PER2: variants seen among roughly 807,000 people sequenced by gnomAD.
PER2 encodes period circadian regulator 2, also known as period circadian protein homolog 2.
Under a neutral mutation model 121.0 loss-of-function variants are expected in PER2, and 66 were observed. That is an observed-to-expected ratio of 0.55 (90% CI 0.45 to 0.67). The LOEUF is 0.67. Among genes scored for constraint, PER2 ranks in the 30% least tolerant of loss-of-function variants. PER2 has a pLI of 0.00. For missense variants in PER2, 1,521 were observed against 1,635.0 expected (o/e 0.93, Z 1.20); for synonymous variants, 684 against 659.9 (o/e 1.04, Z -0.56).
chr2:238,250,062 A>C (rs1340559210), intron 21 of PER2, among the ~76,000 whole-genome samples: 1 of 152,136 alleles, frequency 6.6e-6, no homozygotes, highest in Non-Finnish European at 1.5e-5. Context: ...AGGGGAAGGG[A>C]CCACATGCAG....
chr2:238,257,221 G>A, intron 16 of PER2, 135 bp from the exon 17 acceptor site: 1 of 700,456 alleles, frequency 1.4e-6, no homozygotes, highest in Non-Finnish European at 2.4e-6. Flanking sequence ...TCCCACAGAT[G>A]CTCTGGCCCA....
chr2:238,254,544 T>C (rs1220761116), intron 18 of PER2, among the ~76,000 whole-genome samples: 1 of 152,224 alleles, frequency 6.6e-6, no homozygotes, highest in Non-Finnish European at 1.5e-5. Flanking sequence ...TCTGGTGTTC[T>C]TCTCACAAGA....
chr2:238,289,664 C>T (rs1339943229), upstream of PER2: 4 of 152,270 alleles, frequency 2.6e-5, no homozygotes, highest in African/African-American at 9.6e-5. Flanking sequence ...GTGAGAAAGG[C>T]AGCACTTCCA....
At chr2:238,267,963 G>C (rs1037538448) in intron 8 of PER2, 93 bp downstream of exon 8, 3 of 1,407,840 alleles carry the variant, frequency 2.1e-6, no homozygotes, top group Non-Finnish European at 3.0e-6. Flanking sequence ...CTGCAGCGGG[G>C]AGTCCATCGT....
rs1350818117 is a variant in PER2, at chr2:238,260,886, A to T, written c.1484T>A (p.Met495Lys). The T allele has an allele frequency of 6.2e-7, 1 of 1,613,972 alleles. No individual in the cohort carries two copies. Among genetic ancestry groups the T allele is most frequent in the Admixed American group, 1.7e-5 (1 of 60,032 alleles). ...GCTGTCGCTGGAGGAGGTCTGGCTC[A>T]TAAGGTGCTCGTGGGACCCGTTGCT... Reference protein sequence around the residue: ...LGSNGSHEHLMSQTSSSDSNG... With the variant: ...LGSNGSHEHLKSQTSSSDSNG... The change falls in exon 13 of 23, where the codon ATG (methionine) becomes AAG (lysine). Residue 495 changes from methionine to lysine, a missense_variant. Met to Lys is a moderately conservative substitution (Grantham distance 95). Coordinates refer to ENST00000254657, the MANE Select transcript of PER2 (RefSeq NM_022817.3).
intron 17 of PER2, 95 bp downstream of exon 17, chr2:238,256,827 G>C (rs1695775908): frequency 2.3e-6 from 3 of 1,281,010 alleles, no homozygotes; most frequent in South Asian, 2.6e-5. Context: ...CTATGGTGGA[G>C]TTCTTCTGCA....
intron 8 of PER2, 85 bp downstream of exon 8, chr2:238,267,971 C>A: frequency 6.1e-6 from 9 of 1,484,172 alleles, no homozygotes; most frequent in Non-Finnish European, 8.4e-6. Context: ...GGGAGTCCAT[C>A]GTACAGATGT....
In PER2 at chr2:238,252,722, G is replaced by C. The variant is rs932839249; in HGVS notation, c.3111+190C>G. 1.9e-4 allele frequency among the ~76,000 whole-genome samples: 29 copies of C among 152,296 alleles called. No individual in the cohort carries two copies. The highest frequency in any genetic ancestry group is 6.5e-4 in the African/African-American group (27 of 41,554). The stretch of plus-strand genomic sequence containing the variant: ...AGATTCCACGACAATAAAAGGCTTC[G>C]AATAATCTACTCTGATAGGATTAAG... On this transcript the variant is annotated intron_variant, in intron 19 of 22. Coordinates refer to ENST00000254657, the MANE Select transcript of PER2 (RefSeq NM_022817.3). The surrounding 1 kb of genome is among the most constrained non-coding windows in gnomAD (Gnocchi z 4.2).
At chr2:238,270,028 T>C (rs1696236676) in intron 6 of PER2, among the ~76,000 whole-genome samples, 1 of 152,210 alleles carries the variant, frequency 6.6e-6, no homozygotes, top group Admixed American at 6.5e-5. Context: ...GATCCAGTCT[T>C]GTCTCATCGC....
chr2:238,287,564 C>T (rs1457101507), intron 1 of PER2, among the ~76,000 whole-genome samples: 1 of 152,234 alleles, frequency 6.6e-6, no homozygotes, highest in Non-Finnish European at 1.5e-5. Context: ...TTCCAGCCCA[C>T]CCAGGATTCA....
At chr2:238,251,902 G>T (rs1271416349) in intron 19 of PER2, 141 bp from the exon 20 acceptor site, 3 of 752,176 alleles carry the variant, frequency 4.0e-6, no homozygotes, top group Non-Finnish European at 7.1e-6. Context: ...GGCCAGGGAC[G>T]GCCTAACGAG....
At position 238,275,758 on chromosome 2, in the gene PER2, C is replaced by T. The variant is rs150895165; in HGVS notation, c.433G>A (p.Val145Met). 1.8e-4 allele frequency: 298 copies of T among 1,614,150 alleles called. 2 individuals are homozygous for T. In the African/African-American group the frequency reaches 3.4e-3, roughly 18 times the overall value. The change falls in exon 4 of 23, where the codon GTG (valine) becomes ATG (methionine). Residue 145 changes from valine to methionine, a missense_variant. Val to Met is a conservative substitution (Grantham distance 21). Coordinates refer to ENST00000254657, the MANE Select transcript of PER2 (RefSeq NM_022817.3). ...LATLKYALRSVKQVKANEEYY... is the reference protein window; with the variant it reads ...LATLKYALRSMKQVKANEEYY... Reference sequence around the variant, plus strand: ...GCCGACGTACCTTTCACCTGCTTCACGCTCCTGAGGGCGTACTTCAAGGTG... The same window carrying T: ...GCCGACGTACCTTTCACCTGCTTCATGCTCCTGAGGGCGTACTTCAAGGTG...
At chr2:238,290,199 G>A (rs535411963), upstream of PER2, 1 of 152,320 alleles carries the variant, frequency 6.6e-6, no homozygotes, top group East Asian at 1.9e-4. Context: ...TCCCACAGAA[G>A]CCCCGGGAGG....
Position 238,268,971 on chromosome 2 carries a change from G to T in PER2, c.776C>A (p.Ser259Tyr). ...CTCCTCCATGCATTCTTGAGTAAAAGAATCTAAAAGAGAGAGCCCAAAGTC... is the reference window on the plus strand; with the variant it reads ...CTCCTCCATGCATTCTTGAGTAAAATAATCTAAAAGAGAGAGCCCAAAGTC... ...PLWSMCSGAD[S>Y]FTQECMEEKS... The change falls in exon 7 of 23, where the codon TCT (serine) becomes TAT (tyrosine). Residue 259 changes from serine to tyrosine, a missense_variant. By Grantham distance (144) the Ser-to-Tyr change is moderately radical. Transcript: ENST00000254657. This position sits in a 1 kb window ranked among gnomAD's most constrained non-coding sequence, Gnocchi z 4.0. 6.2e-7 allele frequency: 1 copy of T among 1,610,338 alleles called. No homozygotes were observed. Among genetic ancestry groups the T allele is most frequent in the Non-Finnish European group, 8.5e-7 (1 of 1,176,506 alleles).
chr2:238,286,724 C>T, intron 1 of PER2, among the ~76,000 whole-genome samples: 1 of 152,346 alleles, frequency 6.6e-6, no homozygotes, highest in Non-Finnish European at 1.5e-5. Flanking sequence ...GCCAAGTGGC[C>T]CTGCCAGCTG....
chr2:238,273,076 C>G lies in PER2; in HGVS notation c.564G>C (p.Lys188Asn). Reference protein sequence around the residue: ...MESVTSEHIVKNADMFAVAVS... With the variant: ...MESVTSEHIVNNADMFAVAVS... ...TTTGCGGAAAGAGGCTTACGGCATT[C>G]TTCACAATGTGCTCAGAGGTAACGC... is the stretch of plus-strand genomic sequence containing the variant. Residue 188 changes from lysine (K) to asparagine (N), a missense_variant, in exon 5 of 23, where the codon AAG (lysine) becomes AAC (asparagine). Physicochemically the swap from Lys to Asn is moderately conservative, Grantham distance 94. Transcript: ENST00000254657. 6.2e-7 allele frequency: 1 copy of G among 1,614,140 alleles called. No homozygotes were observed. Among genetic ancestry groups the G allele is most frequent in the Non-Finnish European group, 8.5e-7 (1 of 1,179,968 alleles).
intron 1 of PER2, among the ~76,000 whole-genome samples, chr2:238,285,255 GGGTT>G (rs55709520): frequency 0.11 from 16,654 of 152,152 alleles, 1,190 homozygotes; most frequent in Admixed American, 0.17. Context: ...TTTGGTAGCT[GGGTT>G]GCCTCAACTT....
In PER2 at chr2:238,256,959, G is replaced by A. The variant is rs200422765; in HGVS notation, c.2028C>T (p.Ile676=). 15 of 1,613,990 alleles carry A rather than the reference G, an allele frequency of 9.3e-6. No homozygotes were observed. Among genetic ancestry groups the A allele is most frequent in the African/African-American group, 4.0e-5 (3 of 74,936 alleles). ...LTSQCSYSST[I]VHVGDKKPQP... ...GCGGCTTCTTGTCTCCCACATGGAC[G>A]ATGGTGCTGCTGTAGCTGCACTGGC... The change falls in exon 17 of 23, where the codon ATC becomes ATT. Residue 676 remains isoleucine, a synonymous_variant. Transcript: ENST00000254657.
chr2:238,257,580 T>C (rs534299735), intron 16 of PER2, among the ~76,000 whole-genome samples: 1 of 152,328 alleles, frequency 6.6e-6, no homozygotes, highest in Admixed American at 6.5e-5. Flanking sequence ...TACAAGCCAT[T>C]CTCCTGCCTC....
Sources: allele counts gnomAD v4.1 joint callset (sites outside exome capture counted in the v4.1 genomes callset), GRCh38; gene constraint gnomAD v4.1.1; non-coding constraint Gnocchi (gnomAD v3.1); transcripts MANE v1.5; gene names NCBI Gene and HGNC (gene_info 2026-07-23, HGNC 2026-07-21).